GRIK4: variants seen among roughly 807,000 people sequenced by gnomAD.
The protein encoded by GRIK4 is glutamate receptor ionotropic, kainate 4.
In GRIK4, 40 loss-of-function variants were observed where a neutral mutation model predicts 104.9. The ratio of observed to expected loss-of-function variants is 0.38; its 90% confidence interval spans 0.30 to 0.50. GRIK4 has a LOEUF of 0.50. Ranked by LOEUF, GRIK4 falls within the 20% of genes least tolerant of loss-of-function variation. The pLI is 0.93. For synonymous variants in GRIK4, 485 were observed against 524.9 expected, an observed-to-expected ratio of 0.92 and a Z score of 1.04; for missense variants, 1,047 against 1,308.1, an observed-to-expected ratio of 0.80 and a Z score of 3.08.
chr11:120,612,217 ACCATGGGT>A (rs1565573263), intron 1 of GRIK4, among the ~76,000 whole-genome samples: 1 of 152,154 alleles, frequency 6.6e-6, no homozygotes, highest in Non-Finnish European at 1.5e-5. Context: ...CCCGTGAACC[ACCATGGGT>A]CCATCTATAG....
chr11:120,780,252 C>T (rs1952126453), intron 3 of GRIK4, among the ~76,000 whole-genome samples: 1 of 152,212 alleles, frequency 6.6e-6, no homozygotes. Flanking sequence ...ACAACCATCA[C>T]CACTATCTAT....
chr11:120,677,609 A>G (rs11607732), intron 3 of GRIK4, among the ~76,000 whole-genome samples: 23,701 of 152,230 alleles, frequency 0.16, 2,007 homozygotes, highest in South Asian at 0.23. Context: ...TAAATGTGGA[A>G]AGGCCAGACT....
intron 7 of GRIK4, among the ~76,000 whole-genome samples, chr11:120,835,007 G>A (rs948118299): frequency 1.3e-5 from 2 of 152,194 alleles, no homozygotes; most frequent in East Asian, 1.9e-4. Context: ...GCAGTGGGGC[G>A]TAGGATGGGT....
intron 1 of GRIK4, among the ~76,000 whole-genome samples, chr11:120,617,000 T>C (rs1481392531): frequency 1.3e-5 from 2 of 152,058 alleles, no homozygotes; most frequent in African/African-American, 4.8e-5. Flanking sequence ...AGGATGGCAG[T>C]GGACAGGTGT....
At chr11:120,775,609 T>C (rs1462048797) in intron 3 of GRIK4, among the ~76,000 whole-genome samples, 1 of 152,252 alleles carries the variant, frequency 6.6e-6, no homozygotes, top group South Asian at 2.1e-4. Context: ...AGTGTACTGA[T>C]TAGGATGGGG....
chr11:120,530,458 C>T (rs1947911397), intron 1 of GRIK4, among the ~76,000 whole-genome samples: 1 of 152,156 alleles, frequency 6.6e-6, no homozygotes, highest in Non-Finnish European at 1.5e-5. Context: ...AGTCGTTAGT[C>T]TGCACAGTAA....
chr11:120,700,264 C>CCTT (rs1565302848), intron 3 of GRIK4, among the ~76,000 whole-genome samples: 1 of 118,246 alleles, frequency 8.5e-6, no homozygotes. Flanking sequence ...TATATTACTA[C>CCTT]TTTTTTTTTT....
chr11:120,634,359 G>T (rs1949369879), intron 1 of GRIK4, among the ~76,000 whole-genome samples: 1 of 152,078 alleles, frequency 6.6e-6, no homozygotes, highest in Non-Finnish European at 1.5e-5. Context: ...GGCGGAGCTG[G>T]CATTCAAACC....
At chr11:120,614,634 TA>T in intron 1 of GRIK4, among the ~76,000 whole-genome samples, 1 of 152,318 alleles carries the variant, frequency 6.6e-6, no homozygotes, top group Non-Finnish European at 1.5e-5. Flanking sequence ...ACATGCCAGC[TA>T]CCCTACGGTT....
At chr11:120,581,515 T>C (rs995358358) in intron 1 of GRIK4, among the ~76,000 whole-genome samples, 1 of 152,220 alleles carries the variant, frequency 6.6e-6, no homozygotes, top group Non-Finnish European at 1.5e-5. Flanking sequence ...TCTAGAGCTC[T>C]TTCAATCTTG....
chr11:120,875,014 G>A, intron 10 of GRIK4, 125 bp from the exon 11 acceptor site: 1 of 673,146 alleles, frequency 1.5e-6, no homozygotes. Context: ...GTGTGGGCAG[G>A]AGAAGGATCT....
chr11:120,766,418 C>T (rs1374449268), intron 3 of GRIK4, among the ~76,000 whole-genome samples: 1 of 152,218 alleles, frequency 6.6e-6, no homozygotes, highest in Non-Finnish European at 1.5e-5. Context: ...CTGAGCAAGA[C>T]CACTTGGCTC....
chr11:120,554,731 G>C (rs929776955), intron 1 of GRIK4, among the ~76,000 whole-genome samples: 2 of 152,060 alleles, frequency 1.3e-5, no homozygotes, highest in Non-Finnish European at 2.9e-5. Flanking sequence ...GCTGATTTTT[G>C]TGTTTTTAGT....
At chr11:120,782,629 G>A (rs997811726) in intron 3 of GRIK4, among the ~76,000 whole-genome samples, 1 of 152,134 alleles carries the variant, frequency 6.6e-6, no homozygotes, top group African/African-American at 2.4e-5. Flanking sequence ...ATGCTCTGAG[G>A]TTGTTCTGAA....
At chr11:120,725,686 T>C (rs982726990) in intron 3 of GRIK4, among the ~76,000 whole-genome samples, 1 of 151,896 alleles carries the variant, frequency 6.6e-6, no homozygotes, top group Non-Finnish European at 1.5e-5. Context: ...GAGGAATAAC[T>C]CAGATAAAAC....
At chr11:120,916,466 G>A (rs769341313) in intron 13 of GRIK4, among the ~76,000 whole-genome samples, 14 of 152,324 alleles carry the variant, frequency 9.2e-5, no homozygotes, top group Non-Finnish European at 1.9e-4. Flanking sequence ...TTGAAGGAAA[G>A]TACAATGTCT....
chr11:120,928,506 G>A (rs751385662), intron 13 of GRIK4, among the ~76,000 whole-genome samples: 3 of 152,152 alleles, frequency 2.0e-5, no homozygotes, highest in Non-Finnish European at 4.4e-5. Flanking sequence ...ACCCCAAAAA[G>A]CAAGAGGATT....
chr11:120,905,623 TC>T lies in GRIK4; in HGVS notation c.1476+132del. 1.4e-6 allele frequency: 1 copy of T among 702,252 alleles called. No homozygotes were observed. The highest frequency in any genetic ancestry group is 2.5e-6 in the Non-Finnish European group (1 of 402,578). 43.5% of individuals were successfully genotyped at this position (702,252 alleles called of 1,614,324 possible). ...CATTCATGCATTTGTCATTTATTTGTCCACTCATTCTATAAATCTTGCCTGG... is the reference window on the plus strand; with the variant it reads ...CATTCATGCATTTGTCATTTATTTGTCACTCATTCTATAAATCTTGCCTGG... On this transcript the variant is annotated intron_variant, in intron 13 of 20. Transcript: ENST00000527524. The surrounding 1 kb of genome is among the most constrained non-coding windows in gnomAD (Gnocchi z 5.1).
intron 3 of GRIK4, among the ~76,000 whole-genome samples, chr11:120,777,665 G>A (rs1320145534): frequency 3.9e-5 from 6 of 152,184 alleles, no homozygotes; most frequent in Non-Finnish European, 5.9e-5. Flanking sequence ...GGCTGGGTGC[G>A]GTGGCTCACG....
Sources: gnomAD v4.1 joint callset for allele counts (sites outside exome capture counted in the v4.1 genomes callset) on GRCh38, gnomAD v4.1.1 for gene constraint, Gnocchi (gnomAD v3.1) non-coding constraint, MANE v1.5 for transcripts, NCBI Gene and HGNC (gene_info 2026-07-23, HGNC 2026-07-21) for gene names.